The following ALK variants were observed in gnomAD, a reference collection of about 807,000 sequenced individuals.
The protein encoded by ALK is ALK tyrosine kinase receptor.
Under a neutral mutation model 163.1 loss-of-function variants are expected in ALK, and 74 were observed. The observed-to-expected ratio is 0.45, with a 90% CI of 0.38 to 0.55. The LOEUF (loss-of-function observed/expected upper bound fraction) is 0.55, where lower values mean the gene tolerates loss of function less well. Ranked by LOEUF, ALK falls within the 20% of genes least tolerant of loss-of-function variation. ALK has a pLI of 0.00. For missense variants in ALK, 2,063 were observed against 2,105.3 expected (o/e 0.98, Z 0.39); for synonymous variants, 960 against 843.2 (o/e 1.14, Z -2.40).
intron 11 of ALK, among the ~76,000 whole-genome samples, chr2:29,263,296 A>G (rs1477410484): frequency 6.6e-6 from 1 of 152,178 alleles, no homozygotes; most frequent in Non-Finnish European, 1.5e-5. Flanking sequence ...TCTAAGAGAG[A>G]GGCAAACGTG....
chr2:29,363,864 G>C (rs1356176261), intron 5 of ALK, among the ~76,000 whole-genome samples: 1 of 152,146 alleles, frequency 6.6e-6, no homozygotes, highest in Non-Finnish European at 1.5e-5. Context: ...AGCATTGAGA[G>C]AATATATAAT....
intron 3 of ALK, among the ~76,000 whole-genome samples, chr2:29,645,490 T>C (rs1424477922): frequency 6.6e-6 from 1 of 152,184 alleles, no homozygotes; most frequent in African/African-American, 2.4e-5. Flanking sequence ...ATGAAAAGAA[T>C]AAAGCGTACT....
chr2:29,369,145 A>G (rs1200411478), intron 5 of ALK, among the ~76,000 whole-genome samples: 1 of 152,174 alleles, frequency 6.6e-6, no homozygotes, highest in Non-Finnish European at 1.5e-5. Context: ...TTATCTACCT[A>G]GAGCCTTGCT....
chr2:29,650,752 G>A (rs1184528468), intron 3 of ALK, among the ~76,000 whole-genome samples: 1 of 152,180 alleles, frequency 6.6e-6, no homozygotes, highest in Admixed American at 6.5e-5. Context: ...ACCCCCTCAG[G>A]CTCTTTGGGT....
intron 11 of ALK, among the ~76,000 whole-genome samples, 182 bp downstream of exon 11, chr2:29,274,917 C>T (rs528857267): frequency 2.0e-5 from 3 of 152,288 alleles, no homozygotes; most frequent in African/African-American, 7.2e-5. Context: ...TTCCTTTGCT[C>T]AGGCAATATG....
At chr2:29,826,099 C>T (rs1371585088) in intron 1 of ALK, among the ~76,000 whole-genome samples, 1 of 152,090 alleles carries the variant, frequency 6.6e-6, no homozygotes, top group Admixed American at 6.5e-5. Flanking sequence ...TGCAACTGTC[C>T]TTCCCTGCAG....
chr2:29,915,073 T>C (rs1368286485), intron 1 of ALK, among the ~76,000 whole-genome samples: 2 of 152,230 alleles, frequency 1.3e-5, no homozygotes, highest in Non-Finnish European at 2.9e-5. Context: ...ATAATGATTA[T>C]AAAGAAAGGC....
At chr2:29,842,622 T>C (rs554244869) in intron 1 of ALK, among the ~76,000 whole-genome samples, 7 of 152,276 alleles carry the variant, frequency 4.6e-5, no homozygotes, top group Admixed American at 1.3e-4. Flanking sequence ...TGACAGCTGA[T>C]TACCTCCAGG....
At chr2:29,267,384 A>G (rs1665248827) in intron 11 of ALK, among the ~76,000 whole-genome samples, 1 of 152,242 alleles carries the variant, frequency 6.6e-6, no homozygotes, top group South Asian at 2.1e-4. Context: ...AGAAACTGGT[A>G]TAATAAATGT....
chr2:29,821,209 C>T (rs1048123265), intron 1 of ALK, among the ~76,000 whole-genome samples: 5 of 152,062 alleles, frequency 3.3e-5, no homozygotes, highest in South Asian at 2.1e-4. Context: ...AGAATAATGG[C>T]GGGTGCTCTC....
chr2:29,499,415 T>G (rs1459494734), intron 4 of ALK, among the ~76,000 whole-genome samples: 1 of 152,138 alleles, frequency 6.6e-6, no homozygotes, highest in Non-Finnish European at 1.5e-5. Flanking sequence ...AGGTTGGTTT[T>G]GAACCCCTGG....
chr2:29,660,991 C>T (rs147942713), intron 3 of ALK, among the ~76,000 whole-genome samples: 130 of 152,228 alleles, frequency 8.5e-4, no homozygotes, highest in South Asian at 7.5e-3. Flanking sequence ...GTACTCACAC[C>T]GGACATCTTC....
At chr2:29,427,188 G>A (rs1262430736) in intron 4 of ALK, among the ~76,000 whole-genome samples, 1 of 151,822 alleles carries the variant, frequency 6.6e-6, no homozygotes, top group Non-Finnish European at 1.5e-5. Context: ...ACTTGAGTAA[G>A]GAAAGCACAC....
At chr2:29,692,560 A>G (rs1019448572) in intron 3 of ALK, among the ~76,000 whole-genome samples, 1 of 152,242 alleles carries the variant, frequency 6.6e-6, no homozygotes, top group African/African-American at 2.4e-5. Context: ...AGTGCACAAT[A>G]CGATTCACGT....
chr2:29,775,523 A>ACTC (rs1307952569), intron 1 of ALK, among the ~76,000 whole-genome samples: 2 of 146,198 alleles, frequency 1.4e-5, no homozygotes, highest in Admixed American at 1.4e-4. Context: ...ATCGGAGTGG[A>ACTC]CTCCCTCCCC....
At chr2:29,350,712 C>T (rs184666899) in intron 5 of ALK, among the ~76,000 whole-genome samples, 2 of 152,286 alleles carry the variant, frequency 1.3e-5, no homozygotes, top group African/African-American at 4.8e-5. Flanking sequence ...CCCACTGGAC[C>T]CACTGTTTGT....
intron 1 of ALK, among the ~76,000 whole-genome samples, chr2:29,818,974 C>A (rs896030573): frequency 3.3e-5 from 5 of 152,156 alleles, no homozygotes; most frequent in Non-Finnish European, 7.4e-5. Context: ...TCCACTTTAC[C>A]ACCATACCTG....
intron 4 of ALK, among the ~76,000 whole-genome samples, chr2:29,449,262 A>T (rs973613217): frequency 6.6e-6 from 1 of 152,248 alleles, no homozygotes; most frequent in Non-Finnish European, 1.5e-5. Flanking sequence ...ACACAAGTCA[A>T]CTAATCTGAA....
At chr2:29,316,428 A>T (rs1437069820) in intron 8 of ALK, among the ~76,000 whole-genome samples, 1 of 151,984 alleles carries the variant, frequency 6.6e-6, no homozygotes, top group African/African-American at 2.4e-5. Context: ...GACTGCAGGA[A>T]AAATAAAACA....
Sources: gnomAD v4.1 joint callset for allele counts (sites outside exome capture counted in the v4.1 genomes callset) on GRCh38, gnomAD v4.1.1 for gene constraint, MANE v1.5 for transcripts, NCBI Gene and HGNC (gene_info 2026-07-23, HGNC 2026-07-21) for gene names.